Variants in TCF20 observed in about 807,000 individuals in gnomAD.
The protein encoded by TCF20 is SPRE-binding protein.
A neutral mutation model predicts 148.6 loss-of-function variants in TCF20; 3 were observed. The observed-to-expected ratio is 0.02, with a 90% CI of 0.01 to 0.05. The LOEUF is 0.05. TCF20 is among the 10% of genes least tolerant of loss of function. The pLI, the probability that TCF20 is intolerant of heterozygous loss-of-function variation, is 1.00. For synonymous variants in TCF20, 1,049 were observed against 909.5 expected (o/e 1.15, Z -2.76); for missense variants, 2,350 against 2,429.3 (o/e 0.97, Z 0.69).
At chr22:42,309,106 G>A (rs1489441067) in intron 1 of TCF20, among the ~76,000 whole-genome samples, 1 of 152,136 alleles carries the variant, frequency 6.6e-6, no homozygotes, top group Non-Finnish European at 1.5e-5. Context: ...AGGCTGGCCT[G>A]GAAGGGGCAG....
rs938325565 is a variant in TCF20, at chr22:42,283,347, A to T, written c.-37+480T>A. On this transcript the variant is annotated intron_variant, in intron 1 of 5. Transcript: ENST00000359486. ...ACCCCCCGCCGCTCTGCACCCTCAC[A>T]CCCGGGCTGGCTGCGCACGGCGGCT... is the stretch of plus-strand genomic sequence containing the variant. 1.1e-3 allele frequency among the ~76,000 whole-genome samples: 167 copies of T among 148,104 alleles called. 2 individuals carry two copies. Among genetic ancestry groups the T allele is most frequent in the Non-Finnish European group, 2.1e-3 (141 of 66,912 alleles).
At chr22:42,165,273 C>G (rs1935714155) in intron 5 of TCF20, among the ~76,000 whole-genome samples, 1 of 152,238 alleles carries the variant, frequency 6.6e-6, no homozygotes, top group African/African-American at 2.4e-5. Context: ...GGGGGCCACG[C>G]CCCGTTCCCT....
At chr22:42,194,624 T>C (rs1025015759) in intron 2 of TCF20, among the ~76,000 whole-genome samples, 1 of 151,694 alleles carries the variant, frequency 6.6e-6, no homozygotes, top group African/African-American at 2.4e-5. Flanking sequence ...TAGCGGTAGA[T>C]GGTGTTACTG....
chr22:42,222,268 T>C (rs1922449175), intron 1 of TCF20, among the ~76,000 whole-genome samples: 1 of 152,078 alleles, frequency 6.6e-6, no homozygotes, highest in South Asian at 2.1e-4. Context: ...ACCATGATCA[T>C]CCCAAGCAAG....
intron 1 of TCF20, among the ~76,000 whole-genome samples, chr22:42,266,157 C>T (rs1328420797): frequency 6.6e-6 from 1 of 152,080 alleles, no homozygotes; most frequent in Non-Finnish European, 1.5e-5. Flanking sequence ...CTGATTTGTG[C>T]CTTGAGCAGG....
At chr22:42,183,263 T>C (rs926925205) in intron 2 of TCF20, among the ~76,000 whole-genome samples, 2 of 152,076 alleles carry the variant, frequency 1.3e-5, no homozygotes, top group African/African-American at 4.8e-5. Context: ...AGCAATCAGA[T>C]CTTGGGATAT....
At chr22:42,165,431 C>T (rs1291073108) in intron 5 of TCF20, among the ~76,000 whole-genome samples, 2 of 152,232 alleles carry the variant, frequency 1.3e-5, no homozygotes, top group Non-Finnish European at 2.9e-5. Context: ...TAATTCACGA[C>T]AGGAGGAAGA....
chr22:42,311,529 C>G (rs759187562), intron 1 of TCF20, among the ~76,000 whole-genome samples: 2 of 152,190 alleles, frequency 1.3e-5, no homozygotes, highest in Non-Finnish European at 2.9e-5. Flanking sequence ...GAGGGGCTGA[C>G]CTTGGTGCCC....
chr22:42,206,219 C>T (rs1054141447), intron 2 of TCF20, among the ~76,000 whole-genome samples: 6 of 152,052 alleles, frequency 3.9e-5, no homozygotes, highest in Admixed American at 1.3e-4. Flanking sequence ...GTTGAAATAA[C>T]GAAAACACTG....
intron 3 of TCF20, among the ~76,000 whole-genome samples, chr22:42,175,054 C>A (rs1035266027): frequency 4.0e-5 from 6 of 151,558 alleles, no homozygotes; most frequent in Non-Finnish European, 7.4e-5. Context: ...AAAAAAAAAG[C>A]CATTTTTTTC....
chr22:42,192,824 C>T (rs1046847013), intron 2 of TCF20, among the ~76,000 whole-genome samples: 4 of 152,196 alleles, frequency 2.6e-5, no homozygotes, highest in African/African-American at 7.2e-5. Flanking sequence ...GGAAAAACTA[C>T]GTCCACACTA....
rs559106628 is a variant in TCF20, at chr22:42,168,283, G to C, written c.*44+326C>G. Among the ~76,000 whole-genome samples, 28 of 152,220 alleles carry C rather than the reference G, an allele frequency of 1.8e-4. 1 individual carries two copies. In the South Asian group the frequency reaches 5.6e-3, roughly 30 times the overall value. On this transcript the variant is annotated intron_variant, in intron 5 of 5. Transcript: ENST00000677622. Reference sequence around the variant, plus strand: ...ACGGGGGAAAGAGCAGGGGCTACTGGCAAGAGATGCCCTGCCCAAGAAAGA... The same window carrying C: ...ACGGGGGAAAGAGCAGGGGCTACTGCCAAGAGATGCCCTGCCCAAGAAAGA...
At chr22:42,183,618 C>A (rs1287092927) in intron 2 of TCF20, among the ~76,000 whole-genome samples, 1 of 152,204 alleles carries the variant, frequency 6.6e-6, no homozygotes, top group Non-Finnish European at 1.5e-5. Context: ...CACCTCAATT[C>A]CAGCCCAGTA....
At chr22:42,215,383 TG>T (rs1422603404) in intron 1 of TCF20, 42 bp from the exon 2 acceptor site, 29 of 1,518,182 alleles carry the variant, frequency 1.9e-5, no homozygotes, top group Non-Finnish European at 2.5e-5. Flanking sequence ...CGCATCTCCT[TG>T]GTACAAATAA....
chr22:42,293,808 C>T (rs750615418), intron 1 of TCF20, among the ~76,000 whole-genome samples: 9 of 152,152 alleles, frequency 5.9e-5, no homozygotes, highest in East Asian at 1.9e-4. Context: ...GAGACCAGCC[C>T]GACCAACATG....
chr22:42,198,665 G>GTT (rs56309420), intron 2 of TCF20, among the ~76,000 whole-genome samples: 27,275 of 140,476 alleles, frequency 0.19, 2,796 homozygotes, highest in East Asian at 0.33. Context: ...ATTTTTCCAA[G>GTT]TTTTTTTTTT....
chr22:42,229,219 T>C (rs1923181242), intron 1 of TCF20, among the ~76,000 whole-genome samples: 1 of 152,076 alleles, frequency 6.6e-6, no homozygotes, highest in Non-Finnish European at 1.5e-5. Context: ...TCATGCAGTA[T>C]GATCACAGCA....
rs8136802 is a variant in TCF20 at position 42,334,848 on chromosome 22, G to A, written c.-37+8631C>T. Among the ~76,000 whole-genome samples, 405 of 152,324 alleles carry A rather than the reference G, an allele frequency of 2.7e-3. 4 individuals carry two copies. Among genetic ancestry groups the A allele is most frequent in the African/African-American group, 9.2e-3 (384 of 41,568 alleles). On this transcript the variant is annotated intron_variant, in intron 1 of 1. Transcript: ENST00000515426. ...GTGGGCTCCTCAGTCCTGTCTGTCC[G>A]TCCCATGGGACTTTTAGTCCTTTGT...
At chr22:42,320,164 G>C (rs894881786) in intron 1 of TCF20, among the ~76,000 whole-genome samples, 5 of 152,094 alleles carry the variant, frequency 3.3e-5, no homozygotes, top group African/African-American at 1.2e-4. Context: ...CTCTGCTCCA[G>C]TCACCCGCCT....
Sources: allele counts gnomAD v4.1 joint callset (sites outside exome capture counted in the v4.1 genomes callset), GRCh38; gene constraint gnomAD v4.1.1; transcripts MANE v1.5; gene names NCBI Gene and HGNC (gene_info 2026-07-23, HGNC 2026-07-21).